The following AFF2 variants were observed in gnomAD, a reference collection of about 807,000 sequenced individuals.
AFF2 encodes the protein ALF transcription elongation factor 2.
Under a neutral mutation model 76.9 loss-of-function variants are expected in AFF2, and 14 were observed. The ratio of observed to expected loss-of-function variants is 0.18; its 90% confidence interval spans 0.12 to 0.28. The LOEUF is 0.28. Among genes scored for constraint, AFF2 ranks in the 10% least tolerant of loss-of-function variants. AFF2 has a pLI of 1.00. For synonymous variants in AFF2, 398 were observed against 366.7 expected (o/e 1.09, Z -0.98); for missense variants, 868 against 1,001.1 (o/e 0.87, Z 1.79).
At chrX:148,759,381 T>A (rs2069414550) in intron 3 of AFF2, among the ~76,000 whole-genome samples, 1 of 112,197 alleles carries the variant, frequency 8.9e-6, no homozygotes, top group African/African-American at 3.2e-5. Flanking sequence ...ACATTCAGGG[T>A]TCTGATTTCT....
chrX:148,729,174 A>C (rs1237121982), intron 3 of AFF2, among the ~76,000 whole-genome samples: 1 of 112,232 alleles, frequency 8.9e-6, no homozygotes, highest in African/African-American at 3.2e-5. Context: ...AAATGTAAAC[A>C]AGACAGAATT....
chrX:148,802,155 A>G (rs1414607801), intron 3 of AFF2, among the ~76,000 whole-genome samples: 3 of 112,424 alleles, frequency 2.7e-5, no homozygotes, highest in South Asian at 7.4e-4. Context: ...CAAAAGGACT[A>G]CTACATATAG....
chrX:148,542,633 A>G (rs1361562039), intron 1 of AFF2, among the ~76,000 whole-genome samples: 1 of 112,102 alleles, frequency 8.9e-6, no homozygotes, highest in Non-Finnish European at 1.9e-5. Context: ...CTTAGCAGCC[A>G]TCCATGCAGA....
intron 7 of AFF2, among the ~76,000 whole-genome samples, chrX:148,851,444 A>G (rs1557275317): frequency 8.9e-6 from 1 of 112,100 alleles, no homozygotes; most frequent in Non-Finnish European, 1.9e-5. Context: ...TCTTCTGAAA[A>G]CCAAAAGAAT....
chrX:148,771,584 G>C (rs1037461314), intron 3 of AFF2, among the ~76,000 whole-genome samples: 1 of 112,092 alleles, frequency 8.9e-6, no homozygotes, highest in Non-Finnish European at 1.9e-5. Context: ...TGACCATCTT[G>C]TCTCTGTTGT....
At chrX:148,532,141 A>T (rs887325295) in intron 1 of AFF2, among the ~76,000 whole-genome samples, 2 of 111,924 alleles carry the variant, frequency 1.8e-5, no homozygotes, top group Non-Finnish European at 3.8e-5. Context: ...CACAAAACAT[A>T]TTGTTTAAAC....
intron 7 of AFF2, among the ~76,000 whole-genome samples, chrX:148,858,542 C>G (rs2070811197): frequency 9.0e-6 from 1 of 111,324 alleles, no homozygotes; most frequent in Admixed American, 9.6e-5. Flanking sequence ...TTTCCAGTAA[C>G]AAATCTATTG....
intron 3 of AFF2, among the ~76,000 whole-genome samples, chrX:148,772,534 CTTTCTTTCTT>C (rs1569555292): frequency 9.2e-4 from 57 of 62,084 alleles, no homozygotes; most frequent in Non-Finnish European, 1.3e-3. Context: ...TTTTTTCTTT[CTTTCTTTCTT>C]TTTTTTTTTT....
chrX:148,919,198 T>C (rs2071564491), intron 9 of AFF2, among the ~76,000 whole-genome samples: 1 of 111,838 alleles, frequency 8.9e-6, no homozygotes, highest in Admixed American at 9.6e-5. Context: ...ACAAAGCTTT[T>C]TAACTACTGA....
At chrX:148,878,502 G>A (rs183856901) in intron 7 of AFF2, among the ~76,000 whole-genome samples, 14 of 111,250 alleles carry the variant, frequency 1.3e-4, no homozygotes, top group African/African-American at 4.6e-4. Flanking sequence ...AATCTCACCG[G>A]CAAATACCAA....
At chrX:148,800,583 A>G (rs1206711735) in intron 3 of AFF2, among the ~76,000 whole-genome samples, 2 of 111,974 alleles carry the variant, frequency 1.8e-5, no homozygotes, top group Non-Finnish European at 3.8e-5. Context: ...AGATTTTCAA[A>G]AAATAAGAGC....
intron 2 of AFF2, 127 bp from the exon 3 acceptor site, chrX:148,661,781 G>A: frequency 2.8e-6 from 2 of 712,127 alleles, no homozygotes; most frequent in South Asian, 3.4e-5. Context: ...AAATTATATG[G>A]CAGCAAGACA....
intron 3 of AFF2, among the ~76,000 whole-genome samples, chrX:148,701,681 C>T (rs1557261893): frequency 8.9e-6 from 1 of 112,318 alleles, no homozygotes. Flanking sequence ...TTCAGTGCAT[C>T]TTTATTGGGA....
Position 148,973,399 on chromosome X carries a change from G to C in AFF2, c.3268-72G>C, listed in dbSNP as rs990128345. 146 of 1,168,712 alleles carry C rather than the reference G, an allele frequency of 1.2e-4. No individual in the cohort carries two copies. The African/African-American group carries it at 2.3e-3, about 19-fold the overall frequency. On this transcript the variant is annotated intron_variant, in intron 15 of 20. Transcript: ENST00000370460. ...GGGAAGGGGGCAAAACTACCCCCCA[G>C]TTTCAAACCACTCTTTTATATGAAG...
At chrX:148,776,385 T>A (rs1557268577) in intron 3 of AFF2, among the ~76,000 whole-genome samples, 2 of 112,159 alleles carry the variant, frequency 1.8e-5, no homozygotes, top group East Asian at 5.6e-4. Flanking sequence ...AGTAATGGGA[T>A]TGCTGGGTCA....
intron 16 of AFF2, among the ~76,000 whole-genome samples, chrX:148,975,104 C>G (rs17479577): frequency 3.6e-5 from 4 of 111,006 alleles, no homozygotes; most frequent in African/African-American, 9.9e-5. Flanking sequence ...AGCAGTGAAC[C>G]AGACCTCTCC....
At chrX:148,526,257 T>G (rs1402476530) in intron 1 of AFF2, among the ~76,000 whole-genome samples, 2 of 111,214 alleles carry the variant, frequency 1.8e-5, no homozygotes, top group African/African-American at 6.5e-5. Flanking sequence ...TTTGAGGTAA[T>G]TTTAGATTCA....
chrX:148,683,290 T>C (rs2124492631), intron 3 of AFF2, among the ~76,000 whole-genome samples: 1 of 112,399 alleles, frequency 8.9e-6, no homozygotes, highest in East Asian at 2.8e-4. Context: ...AGATGAGGGC[T>C]TCATACATCT....
At chrX:148,748,891 T>C (rs2055459879) in intron 3 of AFF2, among the ~76,000 whole-genome samples, 1 of 112,137 alleles carries the variant, frequency 8.9e-6, no homozygotes, top group Non-Finnish European at 1.9e-5. Flanking sequence ...ACTCCCAGGA[T>C]AGCGTCTGCA....
Sources: allele counts gnomAD v4.1 joint callset (sites outside exome capture counted in the v4.1 genomes callset), GRCh38; gene constraint gnomAD v4.1.1; transcripts MANE v1.5; gene names NCBI Gene and HGNC (gene_info 2026-07-23, HGNC 2026-07-21).